The following BYSL variants were observed in gnomAD, a reference collection of about 807,000 sequenced individuals.
BYSL encodes bystin.
In BYSL, 21 loss-of-function variants were observed where a neutral mutation model predicts 45.4. The observed-to-expected ratio is 0.46, with a 90% CI of 0.33 to 0.67. BYSL has a LOEUF of 0.67. Among genes scored for constraint, BYSL ranks in the 30% least tolerant of loss-of-function variants. The pLI is 0.02. For synonymous variants in BYSL, 215 were observed against 231.3 expected, an observed-to-expected ratio of 0.93 and a Z score of 0.64; for missense variants, 522 against 578.5, an observed-to-expected ratio of 0.90 and a Z score of 1.00.
upstream of BYSL, chr6:41,916,681 TAAG>T (rs1371733204): frequency 2.8e-6 from 4 of 1,427,210 alleles, no homozygotes; most frequent in Non-Finnish European, 3.9e-6. Context: ...GCCACATGTT[TAAG>T]AATACCACCT....
chr6:41,921,361 A>G (rs1775462512), upstream of BYSL: 1 of 667,212 alleles, frequency 1.5e-6, no homozygotes, highest in Non-Finnish European at 2.5e-6. Context: ...AAGGCAGTGA[A>G]TATATTCGGG....
intron 1 of BYSL, among the ~76,000 whole-genome samples, chr6:41,925,159 A>G (rs564570396): frequency 8.5e-5 from 13 of 152,256 alleles, no homozygotes; most frequent in African/African-American, 3.1e-4. Context: ...AGAACCACCT[A>G]CAAAGTACAA....
upstream of BYSL, chr6:41,917,841 G>A (rs1003223128): frequency 1.3e-5 from 6 of 467,080 alleles, no homozygotes; most frequent in African/African-American, 1.2e-4. Context: ...CAGAGCCACA[G>A]GTGGCTGGGA....
At chr6:41,918,469 C>A (rs2127381427), upstream of BYSL, among the ~76,000 whole-genome samples, 1 of 149,726 alleles carries the variant, frequency 6.7e-6, no homozygotes, top group South Asian at 2.1e-4. Context: ...GCACCACTGC[C>A]CTCCAGCCTG....
chr6:41,919,675 A>C (rs1324298921), upstream of BYSL, among the ~76,000 whole-genome samples: 1 of 152,170 alleles, frequency 6.6e-6, no homozygotes, highest in Admixed American at 6.5e-5. Context: ...CATGTCTATA[A>C]TGCCAATACT....
At chr6:41,922,096 T>G (rs1314187139) in intron 1 of BYSL, among the ~76,000 whole-genome samples, 2 of 152,126 alleles carry the variant, frequency 1.3e-5, no homozygotes, top group East Asian at 3.9e-4. Flanking sequence ...TTGTAAATAT[T>G]TATGGGATAC....
At chr6:41,922,774 T>A (rs1012809876) in intron 1 of BYSL, among the ~76,000 whole-genome samples, 1 of 152,240 alleles carries the variant, frequency 6.6e-6, no homozygotes, top group African/African-American at 2.4e-5. Context: ...ATTTGGCATC[T>A]CCAATTTGAA....
Position 41,932,786 on chromosome 6 carries a change from C to T in BYSL, c.*80C>T. 1 of 1,409,908 alleles carries T rather than the reference C, an allele frequency of 7.1e-7. No homozygotes were observed. The highest frequency in any genetic ancestry group is 2.4e-5 in the East Asian group (1 of 42,136). The allele number at this position is 1,409,908 out of a possible 1,614,324, so 87.3% of individuals were successfully genotyped here. A position where few individuals can be genotyped will look rare whatever the true frequency, so the allele number is the denominator to read the frequency against. ...GTTGGTGACTGAAGATGACACTGAG[C>T]TTTAATGGCTGAAGACCCAGATCAG... On this transcript the variant is annotated 3_prime_UTR_variant, in exon 7 of 7. Transcript: ENST00000230340. This position sits in a 1 kb window ranked among gnomAD's most constrained non-coding sequence, Gnocchi z 4.7.
chr6:41,912,471 C>T, the BYSL span, among the ~76,000 whole-genome samples: 1 of 151,032 alleles, frequency 6.6e-6, no homozygotes, highest in Non-Finnish European at 1.5e-5. Flanking sequence ...ATTCTCCTGC[C>T]TCAGACTCCT....
At chr6:41,918,122 C>G (rs1775363105), upstream of BYSL, among the ~76,000 whole-genome samples, 1 of 152,184 alleles carries the variant, frequency 6.6e-6, no homozygotes, top group Admixed American at 6.6e-5. Flanking sequence ...AACAACGTGC[C>G]AGACTGCATC....
In BYSL at chr6:41,933,008, G is replaced by A. The variant is rs1434561251; in HGVS notation, c.*302G>A. The A allele has an allele frequency of 7.8e-6, 3 of 383,566 alleles. No homozygotes were observed. Among genetic ancestry groups the A allele is most frequent in the African/African-American group, 6.1e-5 (3 of 49,434 alleles). The allele number at this position is 383,566 out of a possible 1,614,324, so 23.8% of individuals were successfully genotyped here. A position where few individuals can be genotyped will look rare whatever the true frequency, so the allele number is the denominator to read the frequency against. ...TACTTTTTCTATGGCTATTGTGTCAGGTCACTGTGGATAAAGGCAAAGACA... is the reference window on the plus strand; with the variant it reads ...TACTTTTTCTATGGCTATTGTGTCAAGTCACTGTGGATAAAGGCAAAGACA... On this transcript the variant is annotated 3_prime_UTR_variant, in exon 7 of 7. Coordinates refer to ENST00000230340, the MANE Select transcript of BYSL (RefSeq NM_004053.4).
chr6:41,930,029 G>A, intron 2 of BYSL, 103 bp from the exon 3 acceptor site: 1 of 1,444,768 alleles, frequency 6.9e-7, no homozygotes, highest in Non-Finnish European at 9.6e-7. Context: ...ATCGCAGTAT[G>A]GCGGTGCTCA....
intron 3 of BYSL, 30 bp from the exon 4 acceptor site, chr6:41,930,605 C>T (rs769273707): frequency 1.5e-5 from 24 of 1,588,328 alleles, no homozygotes; most frequent in Middle Eastern, 1.7e-4. Context: ...ATGTGGATGA[C>T]GATGATTGTT....
the BYSL span, among the ~76,000 whole-genome samples, chr6:41,915,027 G>A: frequency 6.6e-6 from 1 of 152,212 alleles, no homozygotes; most frequent in East Asian, 1.9e-4. Context: ...TCAGTAAACA[G>A]GGCCAGGAAA....
chr6:41,910,634 A>G, the BYSL span, among the ~76,000 whole-genome samples: 2 of 148,354 alleles, frequency 1.3e-5, no homozygotes, highest in African/African-American at 2.5e-5. Context: ...TCTATCTCCA[A>G]AAAAAAAAAA....
chr6:41,928,613 C>T (rs1775595333), intron 2 of BYSL, among the ~76,000 whole-genome samples: 1 of 152,164 alleles, frequency 6.6e-6, no homozygotes, highest in South Asian at 2.1e-4. Flanking sequence ...ATCAGAACTC[C>T]TGGCAGTCGT....
In BYSL at chr6:41,921,847, A is replaced by G. The variant is rs773362146; in HGVS notation, c.268+17A>G. On this transcript the variant is annotated intron_variant, in intron 1 of 6. Transcript: ENST00000230340. The stretch of plus-strand genomic sequence containing the variant: ...CGCGGCTGGGTGAGTGTCTGGGATG[A>G]GGTCCGAGGAAGACAGTGGCCAGTA... The G allele has an allele frequency of 1.9e-6, 3 of 1,604,786 alleles. No homozygotes were observed. The Admixed American group carries it at 5.1e-5, about 27-fold the overall frequency.
At position 41,927,532 on chromosome 6, in the gene BYSL, G is replaced by A; in HGVS notation, c.427G>A (p.Ala143Thr). 6.2e-7 allele frequency: 1 copy of A among 1,613,808 alleles called. No homozygotes were observed. The highest frequency in any genetic ancestry group is 8.5e-7 in the Non-Finnish European group (1 of 1,179,784). ...IEMFMNKNPP[A>T]RRTLADIIME... ...GATGTTCATGAACAAGAACCCTCCT[G>A]CCAGGTAGGCCTGGGGATTTGGGAT... Residue 143 changes from alanine to threonine, a missense_variant, in exon 2 of 7, where the codon GCC becomes ACC. Coordinates refer to ENST00000230340, the MANE Select transcript of BYSL (RefSeq NM_004053.4).
chr6:41,921,075 C>T (rs377093065), upstream of BYSL: 5 of 1,602,510 alleles, frequency 3.1e-6, no homozygotes, highest in Admixed American at 6.9e-5. Flanking sequence ...GTTCCCTGTC[C>T]GCCCACAGAA....
Sources: gnomAD v4.1 joint callset for allele counts (sites outside exome capture counted in the v4.1 genomes callset) on GRCh38, gnomAD v4.1.1 for gene constraint, Gnocchi (gnomAD v3.1) non-coding constraint, MANE v1.5 for transcripts, NCBI Gene and HGNC (gene_info 2026-07-23, HGNC 2026-07-21) for gene names.